CCDC171: variants seen among roughly 807,000 people sequenced by gnomAD.
CCDC171 encodes coiled-coil domain containing 171.
Under a neutral mutation model 168.2 loss-of-function variants are expected in CCDC171, and 177 were observed. The observed-to-expected ratio is 1.05, with a 90% CI of 0.93 to 1.19. CCDC171 has a LOEUF of 1.19. Ranked by LOEUF, CCDC171 falls within the 50% of genes most tolerant of loss-of-function variation. The pLI, the probability that CCDC171 is intolerant of heterozygous loss-of-function variation, is 0.00. For missense variants in CCDC171, 1,991 were observed against 1,539.0 expected (o/e 1.29, Z -4.91); for synonymous variants, 687 against 540.8 (o/e 1.27, Z -3.75).
chr9:15,910,767 A>C (rs946332644), intron 24 of CCDC171, among the ~76,000 whole-genome samples: 2 of 151,506 alleles, frequency 1.3e-5, no homozygotes, highest in Non-Finnish European at 2.9e-5. Flanking sequence ...TCATTATTCA[A>C]CTCCCACTTA....
chr9:15,949,790 C>T (rs1828896678), intron 25 of CCDC171, among the ~76,000 whole-genome samples: 1 of 152,004 alleles, frequency 6.6e-6, no homozygotes, highest in Non-Finnish European at 1.5e-5. Context: ...AATTGAATAC[C>T]CTTTATTTCC....
intron 1 of CCDC171, chr9:15,553,740 A>C (rs2038533642): frequency 6.6e-6 from 1 of 152,124 alleles, no homozygotes. Flanking sequence ...TGCAGCTTCT[A>C]CCTACCCTCC....
chr9:16,023,984 T>C (rs1833226300), intron 6 of CCDC171, among the ~76,000 whole-genome samples: 1 of 151,958 alleles, frequency 6.6e-6, no homozygotes, highest in South Asian at 2.1e-4. Flanking sequence ...CCAGGGTGTT[T>C]ATAAGAGGAA....
intron 24 of CCDC171, among the ~76,000 whole-genome samples, chr9:15,901,251 T>C (rs1033077842): frequency 6.6e-6 from 1 of 152,132 alleles, no homozygotes; most frequent in African/African-American, 2.4e-5. Context: ...CTATTTTGTG[T>C]GATACTAATA....
intron 23 of CCDC171, among the ~76,000 whole-genome samples, chr9:15,852,564 C>A (rs79344239): frequency 6.6e-6 from 1 of 151,500 alleles, no homozygotes; most frequent in African/African-American, 2.4e-5. Flanking sequence ...AGTGTCCTTT[C>A]ATGAACAGAA....
intron 23 of CCDC171, among the ~76,000 whole-genome samples, chr9:15,852,581 G>A (rs1563871716): frequency 6.6e-6 from 1 of 151,530 alleles, no homozygotes; most frequent in Non-Finnish European, 1.5e-5. Flanking sequence ...AGAAGTTTTA[G>A]AATTTGATGA....
At chr9:15,699,950 C>T (rs550294484) in intron 11 of CCDC171, among the ~76,000 whole-genome samples, 1 of 152,380 alleles carries the variant, frequency 6.6e-6, no homozygotes. Flanking sequence ...TCTCCACGTC[C>T]CCACCAGACT....
At chr9:16,048,085 G>A (rs150815619) in intron 1 of CCDC171, among the ~76,000 whole-genome samples, 1 of 152,186 alleles carries the variant, frequency 6.6e-6, no homozygotes, top group Non-Finnish European at 1.5e-5. Flanking sequence ...GAGGAAGAAG[G>A]GTTTTGAGTC....
chr9:15,890,323 G>C (rs1330187775), intron 24 of CCDC171, among the ~76,000 whole-genome samples: 3 of 152,158 alleles, frequency 2.0e-5, no homozygotes, highest in African/African-American at 7.2e-5. Flanking sequence ...GGGTGATTAG[G>C]AGAGGCTTCA....
rs796847983 is a variant in CCDC171, at chr9:15,569,842, CA to C, written c.42-1779del. 6.0e-4 allele frequency among the ~76,000 whole-genome samples: 29 copies of C among 48,444 alleles called. 1 individual carries two copies. In the South Asian group the frequency reaches 0.026, roughly 43 times the overall value. The allele number at this position is 48,444 out of a possible 152,430, so 31.8% of individuals were successfully genotyped here. ...AAAAAAACAAAAAACAAAAAACAAA[CA>C]AACAAAAAAAAAATTTCTATTTTTC... On this transcript the variant is annotated intron_variant, in intron 2 of 25. Coordinates refer to ENST00000380701, the MANE Select transcript of CCDC171 (RefSeq NM_173550.4).
intron 1 of CCDC171, among the ~76,000 whole-genome samples, chr9:16,054,785 G>A (rs1351632807): frequency 6.6e-6 from 1 of 152,222 alleles, no homozygotes; most frequent in African/African-American, 2.4e-5. Context: ...TTATTGGCAT[G>A]TTGGATGGGA....
chr9:16,046,727 T>G (rs1332034437), intron 1 of CCDC171, among the ~76,000 whole-genome samples: 6 of 152,200 alleles, frequency 3.9e-5, no homozygotes, highest in Non-Finnish European at 8.8e-5. Context: ...TCTCTCATTC[T>G]TGCTTGTGTG....
intron 10 of CCDC171, among the ~76,000 whole-genome samples, chr9:15,691,202 T>C (rs2050750120): frequency 6.6e-6 from 1 of 152,046 alleles, no homozygotes; most frequent in African/African-American, 2.4e-5. Flanking sequence ...CTAAAAAATA[T>C]TAACAGTAGG....
intron 10 of CCDC171, among the ~76,000 whole-genome samples, chr9:15,681,643 C>T (rs977078028): frequency 2.0e-5 from 3 of 151,356 alleles, no homozygotes; most frequent in Non-Finnish European, 4.4e-5. Flanking sequence ...TGTACATATT[C>T]CTTTATTGAC....
At chr9:15,932,010 A>G (rs1289371086) in intron 25 of CCDC171, among the ~76,000 whole-genome samples, 1 of 151,908 alleles carries the variant, frequency 6.6e-6, no homozygotes. Context: ...ATAGCTTTGC[A>G]GTATATTTTG....
At chr9:16,104,303 C>T in the CCDC171 span, among the ~76,000 whole-genome samples, 1 of 152,016 alleles carries the variant, frequency 6.6e-6, no homozygotes, top group African/African-American at 2.4e-5. Flanking sequence ...CTCATCTCAA[C>T]ATCCCTTCTC....
At chr9:16,080,456 C>G in the CCDC171 span, among the ~76,000 whole-genome samples, 76 of 152,220 alleles carry the variant, frequency 5.0e-4, no homozygotes, top group East Asian at 5.6e-3. Context: ...TTTTCTACGT[C>G]TTTTTCTCTA....
intron 6 of CCDC171, among the ~76,000 whole-genome samples, chr9:15,602,647 CTTTTTTTTTTTTTTT>C (rs1161286304): frequency 3.6e-4 from 11 of 30,502 alleles, no homozygotes; most frequent in African/African-American, 1.2e-3. Context: ...TTTTTTTTTT[CTTTTTTTTTTTTTTT>C]TTTTTTTTTT....
At chr9:15,937,646 TA>T (rs1827258074) in intron 25 of CCDC171, among the ~76,000 whole-genome samples, 1 of 151,944 alleles carries the variant, frequency 6.6e-6, no homozygotes, top group Non-Finnish European at 1.5e-5. Context: ...ACAACAAACA[TA>T]AAGAGTCATA....
Sources: gnomAD v4.1 joint callset for allele counts (sites outside exome capture counted in the v4.1 genomes callset) on GRCh38, gnomAD v4.1.1 for gene constraint, MANE v1.5 for transcripts, NCBI Gene and HGNC (gene_info 2026-07-23, HGNC 2026-07-21) for gene names.